Variants in MMD2 observed in about 807,000 individuals in gnomAD.
MMD2 encodes the protein monocyte to macrophage differentiation associated 2.
MMD2 carries 30 observed loss-of-function variants against 33.5 expected under a neutral mutation model. The ratio of observed to expected loss-of-function variants is 0.90; its 90% CI spans 0.67 to 1.22. MMD2 has a LOEUF of 1.22. Among genes scored for constraint, MMD2 ranks in the 50% most tolerant of loss-of-function variants. The probability of loss-of-function intolerance (pLI) is 0.00; values close to 1 mark genes in which losing one functional copy is unlikely to be tolerated. For synonymous variants in MMD2, 129 were observed against 123.0 expected (o/e 1.05, Z -0.32); for missense variants, 364 against 325.4 (o/e 1.12, Z -0.91).
intron 1 of MMD2, among the ~76,000 whole-genome samples, chr7:4,938,306 G>C (rs1433026476): frequency 3.3e-5 from 5 of 152,006 alleles, no homozygotes; most frequent in Non-Finnish European, 7.4e-5. Context: ...ACCACGCCCG[G>C]CCCAACAATT....
rs59862378 is a variant in MMD2, at chr7:4,925,318, G to T, written c.129+133C>A. ...TGGCCTTCCCTCGAGACGCCACAGT[G>T]GCCTTCCCTGAGGGCCACAGAAGAC... On this transcript the variant is annotated intron_variant, in intron 2 of 6. Coordinates refer to ENST00000401401, the MANE Select transcript of MMD2 (RefSeq NM_198403.4). The T allele has an allele frequency of 1.5e-5, 9 of 587,048 alleles. No individual in the cohort carries two copies. The East Asian group carries it at 2.8e-4, about 19-fold the overall frequency. 36.4% of individuals were successfully genotyped at this position (587,048 alleles called of 1,614,324 possible).
chr7:4,922,785 T>C (rs1158146632), intron 2 of MMD2, among the ~76,000 whole-genome samples: 33 of 152,112 alleles, frequency 2.2e-4, no homozygotes, highest in Non-Finnish European at 4.6e-4. Flanking sequence ...CTAGTATTCA[T>C]TGAGTTCCTC....
intron 1 of MMD2, among the ~76,000 whole-genome samples, chr7:4,930,959 G>A (rs951401346): frequency 2.6e-5 from 4 of 151,366 alleles, no homozygotes; most frequent in Non-Finnish European, 5.9e-5. Context: ...CAAGTGACTC[G>A]CCTGCCTCAG....
At chr7:4,929,135 G>T (rs1175528749) in intron 1 of MMD2, among the ~76,000 whole-genome samples, 2 of 152,128 alleles carry the variant, frequency 1.3e-5, no homozygotes, top group African/African-American at 2.4e-5. Flanking sequence ...GAGTCCAGGG[G>T]TCTCCAGGTT....
At chr7:4,941,499 G>A (rs1048545220) in intron 1 of MMD2, among the ~76,000 whole-genome samples, 2 of 151,818 alleles carry the variant, frequency 1.3e-5, no homozygotes, top group Non-Finnish European at 2.9e-5. Flanking sequence ...GCGTGGTGGC[G>A]GGTGCCTGTA....
chr7:4,903,390 T>A (rs148684659), downstream of MMD2, among the ~76,000 whole-genome samples: 2 of 151,776 alleles, frequency 1.3e-5, no homozygotes, highest in East Asian at 1.9e-4. Flanking sequence ...TCCATCTGCA[T>A]CCCCCTCCCC....
chr7:4,937,709 T>C (rs887709169), intron 1 of MMD2, among the ~76,000 whole-genome samples: 11 of 152,142 alleles, frequency 7.2e-5, no homozygotes, highest in African/African-American at 2.4e-4. Flanking sequence ...AATCTCGCCA[T>C]GTTGCCCAGG....
At chr7:4,934,854 A>G (rs4573156) in intron 1 of MMD2, among the ~76,000 whole-genome samples, 76,043 of 152,158 alleles carry the variant, frequency 0.5, 20,299 homozygotes, top group African/African-American at 0.67. Context: ...AAGTATGTAA[A>G]CGGGAATAAT....
Position 4,907,022 on chromosome 7 carries a change from A to G in MMD2, c.*374T>C, listed in dbSNP as rs1373227456. The stretch of plus-strand genomic sequence containing the variant: ...AGAGGGAGGCCCTGGCCACCCAGGT[A>G]TAAACAACCCACAGGACTCTTTGCC... On this transcript the variant is annotated 3_prime_UTR_variant, in exon 7 of 7. Coordinates refer to ENST00000401401, the MANE Select transcript of MMD2 (RefSeq NM_198403.4). 8.0e-6 allele frequency: 2 copies of G among 248,584 alleles called. No individual in the cohort carries two copies. Among genetic ancestry groups the G allele is most frequent in the Admixed American group, 5.1e-5 (1 of 19,768 alleles). The allele number at this position is 248,584 out of a possible 1,614,324, so 15.4% of individuals were successfully genotyped here.
At chr7:4,898,763 A>G in the MMD2 span, among the ~76,000 whole-genome samples, 1,592 of 152,224 alleles carry the variant, frequency 0.01, 29 homozygotes, top group African/African-American at 0.037. Flanking sequence ...GCTGGGCTCC[A>G]TGGTACGCAT....
Position 4,944,551 on chromosome 7 carries a change from G to A in MMD2, c.47+14420C>T, listed in dbSNP as rs528473254. Among the ~76,000 whole-genome samples, 32 of 152,184 alleles carry A rather than the reference G, an allele frequency of 2.1e-4. No homozygotes were observed. The East Asian group carries it at 5.8e-3, about 28-fold the overall frequency. ...TACTATTCCTGCGAAAGGACTGGTG[G>A]AAGATCGAGGAGGACTTGGAATGGC... On this transcript the variant is annotated intron_variant, in intron 1 of 6. Coordinates refer to ENST00000401401, the MANE Select transcript of MMD2 (RefSeq NM_198403.4).
chr7:4,931,394 C>A (rs752469663), intron 1 of MMD2, among the ~76,000 whole-genome samples: 2 of 151,850 alleles, frequency 1.3e-5, no homozygotes, highest in Non-Finnish European at 2.9e-5. Context: ...CTCAGTTAAT[C>A]CTCCCACCTC....
Position 4,920,213 on chromosome 7 carries a change from G to A in MMD2, c.248C>T (p.Ser83Phe). 1.9e-6 allele frequency: 3 copies of A among 1,575,950 alleles called. No homozygotes were observed. The highest frequency in any genetic ancestry group is 2.6e-6 in the Non-Finnish European group (3 of 1,161,424). The change falls in exon 3 of 7, where the codon TCC (serine) becomes TTC (phenylalanine). Residue 83 changes from serine to phenylalanine, a missense_variant. Coordinates refer to ENST00000401401, the MANE Select transcript of MMD2 (RefSeq NM_198403.4). ...CCAGGAGATGGTGTGAAACACAGTG[G>A]ACACCACGAAGAGGCCGCAGAGGCC... ...GLGLCGLFVV[S>F]TVFHTISWKK... is the part of the protein sequence containing the mutation.
At chr7:4,920,948 C>A (rs1785267941) in intron 2 of MMD2, among the ~76,000 whole-genome samples, 1 of 151,974 alleles carries the variant, frequency 6.6e-6, no homozygotes, top group Non-Finnish European at 1.5e-5. Flanking sequence ...GAACTCCTGA[C>A]CTCAGGCTAT....
intron 1 of MMD2, among the ~76,000 whole-genome samples, chr7:4,954,937 T>A (rs561506278): frequency 1.4e-3 from 212 of 152,370 alleles, no homozygotes; most frequent in African/African-American, 4.9e-3. Flanking sequence ...TGTTCTCATC[T>A]GAATAATGAA....
chr7:4,905,282 G>A (rs376915206), downstream of MMD2, among the ~76,000 whole-genome samples: 21 of 146,344 alleles, frequency 1.4e-4, no homozygotes, highest in African/African-American at 5.0e-4. This position sits in a 1 kb window ranked among gnomAD's most constrained non-coding sequence, Gnocchi z 5.0. Flanking sequence ...AAGAGGAAGA[G>A]GAAGAAGAAG....
rs1475897885 is a variant in MMD2, at chr7:4,906,469, G to A, written c.*927C>T. On this transcript the variant is annotated 3_prime_UTR_variant, in exon 7 of 7. Coordinates refer to ENST00000401401, the MANE Select transcript of MMD2 (RefSeq NM_198403.4). ...ATCACAAACCTTAAGTATGGAGCAG[G>A]GAGCAAGTGCCTGGGGGCTGTTTGC... is the stretch of plus-strand genomic sequence containing the variant. 2 of 398,482 alleles carry A rather than the reference G, an allele frequency of 5.0e-6. No individual in the cohort carries two copies. The highest frequency in any genetic ancestry group is 4.1e-5 in the African/African-American group (2 of 48,624). 24.7% of individuals were successfully genotyped at this position (398,482 alleles called of 1,614,324 possible).
chr7:4,912,685 G>C (rs1785046209), intron 4 of MMD2, among the ~76,000 whole-genome samples: 1 of 151,982 alleles, frequency 6.6e-6, no homozygotes. Context: ...GGTCCTTTAA[G>C]TTTTTTCTGG....
chr7:4,895,284 G>A, the MMD2 span, among the ~76,000 whole-genome samples: 2 of 152,062 alleles, frequency 1.3e-5, no homozygotes, highest in African/African-American at 4.8e-5. Flanking sequence ...CCATGTTGGC[G>A]ATGCTAGTCT....
Sources: gnomAD v4.1 joint callset for allele counts (sites outside exome capture counted in the v4.1 genomes callset) on GRCh38, gnomAD v4.1.1 for gene constraint, Gnocchi (gnomAD v3.1) non-coding constraint, MANE v1.5 for transcripts, NCBI Gene and HGNC (gene_info 2026-07-23, HGNC 2026-07-21) for gene names.